Variants in DCAF8 observed in about 807,000 individuals in gnomAD.
DCAF8 encodes DDB1- and CUL4-associated factor 8.
In DCAF8, 20 loss-of-function variants were observed where a neutral mutation model predicts 68.0. That is an observed-to-expected ratio of 0.29 (90% CI 0.21 to 0.43). DCAF8 has a LOEUF of 0.43. Among genes scored for constraint, DCAF8 ranks in the 20% least tolerant of loss-of-function variants. The pLI is 1.00. For missense variants in DCAF8, 460 were observed against 771.0 expected (o/e 0.60, Z 4.78); for synonymous variants, 230 against 276.9 (o/e 0.83, Z 1.68).
chr1:160,225,047 GC>G lies in DCAF8; in HGVS notation c.1201+14del. On this transcript the variant is annotated intron_variant, in intron 9 of 13. Coordinates refer to ENST00000368074, the MANE Select transcript of DCAF8 (RefSeq NM_015726.4). ...GGGGGCATGCCAGCCTAGGAGCTGG[GC>G]CCTGCTCACGTACCTGTGCCGTCGT... 6.2e-7 allele frequency: 1 copy of G among 1,613,962 alleles called. No individual in the cohort carries two copies. The highest frequency in any genetic ancestry group is 8.5e-7 in the Non-Finnish European group (1 of 1,179,828).
chr1:160,225,565 A>G, intron 8 of DCAF8, 26 bp downstream of exon 8: 1 of 1,592,962 alleles, frequency 6.3e-7, no homozygotes, highest in Non-Finnish European at 8.6e-7. Context: ...GGAAGCCTGC[A>G]GCAACTGGCC....
At chr1:160,238,319 A>G (rs962997240) in intron 5 of DCAF8, among the ~76,000 whole-genome samples, 1 of 152,222 alleles carries the variant, frequency 6.6e-6, no homozygotes, top group African/African-American at 2.4e-5. Context: ...AATAAATGTA[A>G]AAGGTTTAGA....
intron 6 of DCAF8, among the ~76,000 whole-genome samples, chr1:160,232,115 GA>G (rs1655710641): frequency 6.6e-6 from 1 of 151,862 alleles, no homozygotes; most frequent in Non-Finnish European, 1.5e-5. Flanking sequence ...GAGGCTGAGG[GA>G]AGAGAATCAC....
intron 2 of DCAF8, among the ~76,000 whole-genome samples, chr1:160,254,467 T>G (rs1656742169): frequency 6.6e-6 from 1 of 152,162 alleles, no homozygotes; most frequent in Admixed American, 6.5e-5. Flanking sequence ...TAATTCTACC[T>G]TTCAGCTTCA....
intron 2 of DCAF8, among the ~76,000 whole-genome samples, chr1:160,246,440 G>T (rs1656342042): frequency 6.6e-6 from 1 of 152,184 alleles, no homozygotes; most frequent in Non-Finnish European, 1.5e-5. Flanking sequence ...TCTGCAGAAG[G>T]ATACTCTAGA....
intron 2 of DCAF8, among the ~76,000 whole-genome samples, chr1:160,250,464 C>CAAAAAAAAAAAAA (rs386368471): frequency 1.5e-5 from 1 of 66,622 alleles, no homozygotes; most frequent in Non-Finnish European, 2.7e-5. Flanking sequence ...GAAACTGTCT[C>CAAAAAAAAAAAAA]AAAAAAAAAA....
chr1:160,232,552 A>C (rs1168512385), intron 6 of DCAF8, among the ~76,000 whole-genome samples: 1 of 152,054 alleles, frequency 6.6e-6, no homozygotes, highest in African/African-American at 2.4e-5. Flanking sequence ...GAGGCAGAAG[A>C]ACTGCTTGAA....
chr1:160,251,220 C>G (rs1405976392), intron 2 of DCAF8, among the ~76,000 whole-genome samples: 1 of 152,162 alleles, frequency 6.6e-6, no homozygotes, highest in Non-Finnish European at 1.5e-5. Flanking sequence ...CTTGGGAGGA[C>G]AGATGTCCCA....
At chr1:160,250,530 A>C (rs1656544492) in intron 2 of DCAF8, among the ~76,000 whole-genome samples, 1 of 151,586 alleles carries the variant, frequency 6.6e-6, no homozygotes, top group Admixed American at 6.6e-5. Flanking sequence ...GCAAATTGTT[A>C]AATGACATAA....
chr1:160,254,557 G>A (rs1446675926), intron 2 of DCAF8, among the ~76,000 whole-genome samples: 2 of 152,000 alleles, frequency 1.3e-5, no homozygotes, highest in African/African-American at 4.8e-5. Flanking sequence ...ACTTTAGGAG[G>A]CCGGGCCGGG....
rs11284812 is a variant in DCAF8, at chr1:160,256,012, CTTTTTTT to C, written c.-27+5266_-27+5272del. 5.3e-4 allele frequency among the ~76,000 whole-genome samples: 40 copies of C among 75,524 alleles called. No individual in the cohort carries two copies. The East Asian group carries it at 0.015, about 28-fold the overall frequency. The allele number at this position is 75,524 out of a possible 152,430, so 49.5% of individuals were successfully genotyped here. On this transcript the variant is annotated intron_variant, in intron 2 of 13. Transcript: ENST00000368074. ...ATTTCCAGCAGCAGAACTAAGCAAA[CTTTTTTT>C]TTTTTTTTTTTTTTTTTTTTTAAGA...
At chr1:160,225,188 CT>C in intron 8 of DCAF8, 69 bp from the exon 9 acceptor site, 1 of 1,473,094 alleles carries the variant, frequency 6.8e-7, no homozygotes, top group Non-Finnish European at 9.4e-7. Flanking sequence ...CAGGAAACAG[CT>C]TTTCCTTCAA....
At chr1:160,243,425 A>T (rs868760266) in intron 3 of DCAF8, among the ~76,000 whole-genome samples, 1,233 of 100,742 alleles carry the variant, frequency 0.012, 9 homozygotes, top group African/African-American at 0.024. Flanking sequence ...TTTTTTTTTT[A>T]AAAAGACGGG....
In DCAF8 at chr1:160,218,942, G is replaced by T. The variant is rs1432223845; in HGVS notation, c.1467C>A (p.His489Gln). ...GVVNCLEPHP[H>Q]LPVLATSGLD... ...GGCCACTGGTTGCCAGCACAGGCAG[G>T]TGAGGGTGGGGCTCAAGACAGTTTA... Residue 489 changes from histidine to glutamine, a missense_variant, in exon 12 of 14, where the codon CAC becomes CAA. Transcript: ENST00000368074. 1.2e-6 allele frequency: 2 copies of T among 1,614,226 alleles called. No homozygotes were observed. Among genetic ancestry groups the T allele is most frequent in the Admixed American group, 3.3e-5 (2 of 60,030 alleles).
chr1:160,247,153 G>A lies in DCAF8; in HGVS notation c.-26-3119C>T, dbSNP rs142816267. ...AATCTAGTCCAAAGCTAATCTTGCT[G>A]AGGTTGGAAAAGCTGATGAGCTCAC... On this transcript the variant is annotated intron_variant, in intron 2 of 13. Coordinates refer to ENST00000368074, the MANE Select transcript of DCAF8 (RefSeq NM_015726.4). Among the ~76,000 whole-genome samples the A allele has an allele frequency of 1.6e-3, 244 of 152,232 alleles. 1 individual carries two copies. The highest frequency in any genetic ancestry group is 5.4e-3 in the African/African-American group (224 of 41,530).
At chr1:160,228,227 C>A (rs1655546135) in intron 7 of DCAF8, among the ~76,000 whole-genome samples, 1 of 151,962 alleles carries the variant, frequency 6.6e-6, no homozygotes, top group Non-Finnish European at 1.5e-5. Flanking sequence ...CCACACCAAG[C>A]CCCTTGACAT....
chr1:160,234,660 A>AT (rs1306049634), intron 6 of DCAF8, among the ~76,000 whole-genome samples: 1 of 151,964 alleles, frequency 6.6e-6, no homozygotes, highest in African/African-American at 2.4e-5. Context: ...ACTTACTATC[A>AT]TTTTTTCCTT....
At chr1:160,254,765 G>A (rs1656762069) in intron 2 of DCAF8, among the ~76,000 whole-genome samples, 1 of 151,824 alleles carries the variant, frequency 6.6e-6, no homozygotes, top group African/African-American at 2.4e-5. Context: ...ACTACAGCCT[G>A]GCGACAAAGC....
In DCAF8 at chr1:160,238,652, G is replaced by C; in HGVS notation, c.819C>G (p.Cys273Trp). ...GCTGGGCCACACGTTTTGTATTCTTGCAACACTGTGTGGCAGACAGTTCTG... is the reference window on the plus strand; with the variant it reads ...GCTGGGCCACACGTTTTGTATTCTTCCAACACTGTGTGGCAGACAGTTCTG... ...RVAELSATQC[C>W]KNTKRVAQHK... is the part of the protein sequence containing the mutation. The change falls in exon 5 of 14, where the codon TGC becomes TGG. Residue 273 changes from cysteine to tryptophan, a missense_variant. Cys to Trp is a radical substitution (Grantham distance 215). Coordinates refer to ENST00000368074, the MANE Select transcript of DCAF8 (RefSeq NM_015726.4). The C allele has an allele frequency of 6.2e-7, 1 of 1,613,604 alleles. No homozygotes were observed. Among genetic ancestry groups the C allele is most frequent in the Non-Finnish European group, 8.5e-7 (1 of 1,179,840 alleles).
Sources: allele counts gnomAD v4.1 joint callset (sites outside exome capture counted in the v4.1 genomes callset), GRCh38; gene constraint gnomAD v4.1.1; transcripts MANE v1.5; gene names NCBI Gene and HGNC (gene_info 2026-07-23, HGNC 2026-07-21).